SHANK2: variants seen among roughly 807,000 people sequenced by gnomAD.
SHANK2 encodes the protein SH3 and multiple ankyrin repeat domains 2.
Under a neutral mutation model 133.7 loss-of-function variants are expected in SHANK2, and 43 were observed. The ratio of observed to expected loss-of-function variants is 0.32; its 90% CI spans 0.25 to 0.41. The LOEUF is 0.41. Ranked by LOEUF, SHANK2 falls within the 10% of genes least tolerant of loss-of-function variation. The pLI, the probability that SHANK2 is intolerant of heterozygous loss-of-function variation, is 1.00. For missense variants in SHANK2, 1,994 were observed against 2,235.8 expected (o/e 0.89, Z 2.18); for synonymous variants, 1,017 against 952.8 (o/e 1.07, Z -1.24).
intron 22 of SHANK2, 133 bp downstream of exon 22, chr11:70,492,202 T>TA (rs2058896176): frequency 1.5e-6 from 2 of 1,331,346 alleles, no homozygotes; most frequent in African/African-American, 2.9e-5. Context: ...TGTGGCCACT[T>TA]AGATTTGGGC....
At chr11:70,647,469 C>A (rs1320843751) in intron 17 of SHANK2, 1 of 152,342 alleles carries the variant, frequency 6.6e-6, no homozygotes, top group East Asian at 1.9e-4. Context: ...GGCTCTACCA[C>A]TCGCCGTGTG....
At chr11:70,697,549 T>G (rs997818638) in intron 15 of SHANK2, among the ~76,000 whole-genome samples, 14 of 152,318 alleles carry the variant, frequency 9.2e-5, no homozygotes, top group East Asian at 7.7e-4. Context: ...TGGTGATGGT[T>G]GCCCAATATC....
chr11:71,251,400 T>G (rs1948176313), intron 1 of SHANK2, among the ~76,000 whole-genome samples: 1 of 152,168 alleles, frequency 6.6e-6, no homozygotes, highest in Admixed American at 6.5e-5. Flanking sequence ...CGAGGCCCGC[T>G]GCGGTGGTCG....
chr11:70,862,923 G>A (rs555243685), intron 11 of SHANK2: 10 of 268,556 alleles, frequency 3.7e-5, no homozygotes, highest in South Asian at 2.2e-4. Flanking sequence ...TGAAGTGCCC[G>A]TCTTGGGGCT....
Position 71,203,086 on chromosome 11 carries a change from C to G in SHANK2, c.-13+21611G>C, listed in dbSNP as rs1392850015. Among the ~76,000 whole-genome samples the G allele has an allele frequency of 2.6e-5, 4 of 152,192 alleles. No homozygotes were observed. In the East Asian group the frequency reaches 7.7e-4, roughly 29 times the overall value. ...TGGAGCAGGTGGCCCTGTGGGGTTC[C>G]AGTGATCTCAGGTACCACCTGCAAG... On this transcript the variant is annotated intron_variant, in intron 2 of 25. Transcript: ENST00000601538.
chr11:71,118,862 T>TG lies in SHANK2; in HGVS notation c.377dup (p.Gln127ThrfsTer5). 6.4e-7 allele frequency: 1 copy of TG among 1,551,590 alleles called. No homozygotes were observed. The highest frequency in any genetic ancestry group is 8.7e-7 in the Non-Finnish European group (1 of 1,146,906). ...AAGGAACGCCCTCACCCACGGGCTG[T>TG]GGGTACTCGCGCAGGAGCCGCTCCT... On this transcript the variant is annotated frameshift_variant, in exon 4 of 26. Transcript: ENST00000601538. LOFTEE classifies it high-confidence loss of function.
intron 2 of SHANK2, among the ~76,000 whole-genome samples, chr11:71,206,686 A>T (rs1555118032): frequency 2.6e-5 from 4 of 152,354 alleles, no homozygotes. Context: ...CTGTACCCCC[A>T]GCATTTTGCA....
Position 70,698,752 on chromosome 11 carries a change from C to G in SHANK2, c.1789G>C (p.Asp597His). 1 of 718,572 alleles carries G rather than the reference C, an allele frequency of 1.4e-6. No individual in the cohort carries two copies. Among genetic ancestry groups the G allele is most frequent in the Non-Finnish European group, 2.6e-6 (1 of 385,102 alleles). The allele number at this position is 718,572 out of a possible 1,614,324, so 44.5% of individuals were successfully genotyped here. A position where few individuals can be genotyped will look rare whatever the true frequency, so the allele number is the denominator to read the frequency against. Residue 597 changes from aspartate to histidine, a missense_variant, in exon 15 of 26, where the codon GAC (aspartate) becomes CAC (histidine). Transcript: ENST00000601538. ...TGCCTGAAAAGCTTCTTGCTGCGGT[C>G]AGCGCGGGTTTCTGTACAGAGAGGG... is the stretch of plus-strand genomic sequence containing the variant. Reference protein sequence around the residue: ...PRDSQAETRADRSKKLFRHYT... With the variant: ...PRDSQAETRAHRSKKLFRHYT...
intron 6 of SHANK2, 61 bp downstream of exon 6, chr11:71,109,880 T>C (rs1301635834): frequency 8.9e-6 from 9 of 1,009,234 alleles, no homozygotes; most frequent in African/African-American, 3.2e-5. Flanking sequence ...GCCTGAGCAG[T>C]GGGCTGGCCT....
At chr11:70,894,544 G>A (rs1327835986) in intron 11 of SHANK2, among the ~76,000 whole-genome samples, 1 of 152,170 alleles carries the variant, frequency 6.6e-6, no homozygotes, top group Non-Finnish European at 1.5e-5. Flanking sequence ...CAGAAGGGAG[G>A]AAGGGTGGCT....
intron 3 of SHANK2, among the ~76,000 whole-genome samples, chr11:71,141,676 T>G (rs1952556875): frequency 6.6e-6 from 1 of 152,106 alleles, no homozygotes; most frequent in Non-Finnish European, 1.5e-5. Flanking sequence ...AGCATGAGAA[T>G]GGGCTAATAC....
intron 17 of SHANK2, among the ~76,000 whole-genome samples, chr11:70,562,895 CAG>C (rs1427770285): frequency 6.6e-6 from 1 of 152,250 alleles, no homozygotes; most frequent in South Asian, 2.1e-4. Flanking sequence ...TGTTTTGAGA[CAG>C]AGTCTCGCTC....
intron 17 of SHANK2, among the ~76,000 whole-genome samples, chr11:70,618,296 G>GAAAAAAAA (rs33915522): frequency 1.8e-5 from 2 of 112,132 alleles, no homozygotes. Flanking sequence ...CTCGGTCTCA[G>GAAAAAAAA]AAAAAAAAAA....
chr11:70,502,923 A>G lies in SHANK2; in HGVS notation c.2070T>C (p.Asn690=), dbSNP rs2059082077. 1 of 1,612,870 alleles carries G rather than the reference A, an allele frequency of 6.2e-7. No individual in the cohort carries two copies. The highest frequency in any genetic ancestry group is 8.5e-7 in the Non-Finnish European group (1 of 1,178,992). The stretch of plus-strand genomic sequence containing the variant: ...TGTGGCCGACTTTGACAACATTCTC[A>G]TTGTTAACCTGTGGGAAGGCGGAGA... ...RTGDFLIEVN[N]ENVVKVGHRQ... Residue 690 remains asparagine (N), a synonymous_variant, in exon 18 of 26, where the codon AAT becomes AAC. Coordinates refer to ENST00000601538, the MANE Select transcript of SHANK2 (RefSeq NM_012309.5).
At chr11:71,162,244 G>A (rs538510038) in intron 2 of SHANK2, among the ~76,000 whole-genome samples, 6 of 152,298 alleles carry the variant, frequency 3.9e-5, no homozygotes, top group African/African-American at 7.2e-5. Flanking sequence ...AGCATGGTGT[G>A]GCATCTGGTG....
In SHANK2 at chr11:71,112,325, G is replaced by A. The variant is rs1039674131; in HGVS notation, c.483+968C>T. 4.6e-5 allele frequency among the ~76,000 whole-genome samples: 7 copies of A among 152,304 alleles called. No individual in the cohort carries two copies. In the East Asian group the frequency reaches 5.8e-4, roughly 13 times the overall value. ...GAAGGATCGCTTGAACCCGAGAGGC[G>A]GAGGTTGCAGTGAGCCAAGATTATG... On this transcript the variant is annotated intron_variant, in intron 5 of 25. Transcript: ENST00000601538.
intron 15 of SHANK2, among the ~76,000 whole-genome samples, chr11:70,667,444 C>T (rs545737644): frequency 6.6e-6 from 1 of 152,276 alleles, no homozygotes; most frequent in Admixed American, 6.5e-5. Context: ...ACGCAGCAGG[C>T]CCCAGAGGTC....
intron 17 of SHANK2, among the ~76,000 whole-genome samples, chr11:70,594,277 A>G (rs1016778929): frequency 2.6e-5 from 4 of 152,198 alleles, no homozygotes; most frequent in African/African-American, 9.7e-5. Flanking sequence ...GCCAAACACG[A>G]AAGATCGCGT....
chr11:71,137,152 TG>T (rs1952454563), intron 3 of SHANK2, among the ~76,000 whole-genome samples: 1 of 152,172 alleles, frequency 6.6e-6, no homozygotes, highest in Non-Finnish European at 1.5e-5. Flanking sequence ...TGTGAGCCAC[TG>T]TGCATAGCCC....
Sources: gnomAD v4.1 joint callset for allele counts (sites outside exome capture counted in the v4.1 genomes callset) on GRCh38, gnomAD v4.1.1 for gene constraint, MANE v1.5 for transcripts, NCBI Gene and HGNC (gene_info 2026-07-23, HGNC 2026-07-21) for gene names.